NEGR1: variants seen among roughly 807,000 people sequenced by gnomAD.
NEGR1 encodes the protein IgLON family member 4.
Under a neutral mutation model 40.9 loss-of-function variants are expected in NEGR1, and 10 were observed. That is an observed-to-expected ratio of 0.24 (90% CI 0.15 to 0.42). NEGR1 has a LOEUF of 0.42. Among genes scored for constraint, NEGR1 ranks in the 10% least tolerant of loss-of-function variants. NEGR1 has a pLI of 1.00. For missense variants in NEGR1, 352 were observed against 438.9 expected (o/e 0.80, Z 1.77); for synonymous variants, 185 against 166.8 (o/e 1.11, Z -0.84).
chr1:71,466,727 T>C (rs1646748514), intron 6 of NEGR1, among the ~76,000 whole-genome samples: 1 of 151,988 alleles, frequency 6.6e-6, no homozygotes, highest in East Asian at 1.9e-4. Flanking sequence ...AGGAGGCTGG[T>C]GTACATGGAG....
chr1:71,799,203 C>G (rs755341940), intron 2 of NEGR1, among the ~76,000 whole-genome samples: 7 of 152,040 alleles, frequency 4.6e-5, no homozygotes, highest in Non-Finnish European at 8.8e-5. Context: ...TAGCACTCCA[C>G]CCCCTGACAG....
intron 1 of NEGR1, among the ~76,000 whole-genome samples, chr1:72,137,311 C>A (rs1650503632): frequency 6.6e-6 from 1 of 152,104 alleles, no homozygotes; most frequent in Non-Finnish European, 1.5e-5. Context: ...TTTATTGCAG[C>A]ACTGTTCACA....
intron 1 of NEGR1, among the ~76,000 whole-genome samples, chr1:71,973,469 C>T (rs6698069): frequency 0.13 from 19,183 of 152,082 alleles, 1,644 homozygotes; most frequent in East Asian, 0.43. Flanking sequence ...ACGCTTTTGT[C>T]AATTTGTTAT....
At chr1:71,685,814 A>G (rs1387724976) in intron 4 of NEGR1, among the ~76,000 whole-genome samples, 1 of 152,142 alleles carries the variant, frequency 6.6e-6, no homozygotes, top group Non-Finnish European at 1.5e-5. Flanking sequence ...TTGGTATTCA[A>G]TTTCTAAATT....
intron 1 of NEGR1, among the ~76,000 whole-genome samples, chr1:71,937,340 C>G (rs1422851078): frequency 6.6e-6 from 1 of 152,176 alleles, no homozygotes; most frequent in Admixed American, 6.5e-5. Flanking sequence ...TCCCATTTCA[C>G]AGATCACATT....
chr1:72,145,202 G>T (rs1650860645), intron 1 of NEGR1, among the ~76,000 whole-genome samples: 1 of 152,040 alleles, frequency 6.6e-6, no homozygotes, highest in South Asian at 2.1e-4. Context: ...TCTGGGATAA[G>T]ATAACACTAA....
chr1:71,642,995 G>T lies in NEGR1; in HGVS notation c.668-31849C>A, dbSNP rs570968551. On this transcript the variant is annotated intron_variant, in intron 4 of 6. Coordinates refer to ENST00000357731, the MANE Select transcript of NEGR1 (RefSeq NM_173808.3). ...GTGAATAAAGAAAGTTCATAATAAAGAAGGGGAATAAAAAGACCAGACAAA... is the reference window on the plus strand; with the variant it reads ...GTGAATAAAGAAAGTTCATAATAAATAAGGGGAATAAAAAGACCAGACAAA... 2.6e-3 allele frequency among the ~76,000 whole-genome samples: 390 copies of T among 152,050 alleles called. 2 individuals are homozygous for T. Among genetic ancestry groups the T allele is most frequent in the Non-Finnish European group, 4.0e-3 (270 of 67,944 alleles).
chr1:71,686,344 A>G (rs1333114562), intron 4 of NEGR1, among the ~76,000 whole-genome samples: 1 of 152,140 alleles, frequency 6.6e-6, no homozygotes, highest in Non-Finnish European at 1.5e-5. Context: ...ATAATAATTT[A>G]GTTCAGTGAA....
chr1:72,144,456 A>G (rs763467328), intron 1 of NEGR1, among the ~76,000 whole-genome samples: 2 of 93,500 alleles, frequency 2.1e-5, no homozygotes, highest in Non-Finnish European at 5.8e-5. Flanking sequence ...CAAACTACAT[A>G]TATGCACATA....
chr1:71,983,876 C>T (rs1025912732), intron 1 of NEGR1, among the ~76,000 whole-genome samples: 2 of 152,238 alleles, frequency 1.3e-5, no homozygotes, highest in Admixed American at 6.5e-5. Flanking sequence ...AACTACTCAA[C>T]ATATTTTTTA....
intron 6 of NEGR1, among the ~76,000 whole-genome samples, chr1:71,434,554 G>A (rs1646493522): frequency 6.6e-6 from 1 of 152,082 alleles, no homozygotes; most frequent in East Asian, 1.9e-4. Context: ...GATTTCTCGA[G>A]GTTCTTGTGT....
chr1:72,087,057 A>G (rs1207133438), intron 1 of NEGR1, among the ~76,000 whole-genome samples: 2 of 152,180 alleles, frequency 1.3e-5, no homozygotes, highest in African/African-American at 4.8e-5. Context: ...AGGAAGATTC[A>G]TCTTAAACAT....
chr1:72,056,369 C>A (rs973014230), intron 1 of NEGR1, among the ~76,000 whole-genome samples: 1 of 151,264 alleles, frequency 6.6e-6, no homozygotes, highest in Non-Finnish European at 1.5e-5. Context: ...AGGAGGGTTA[C>A]TTTGCTAATG....
intron 3 of NEGR1, among the ~76,000 whole-genome samples, chr1:71,723,178 T>C (rs1654566811): frequency 6.6e-6 from 1 of 152,160 alleles, no homozygotes; most frequent in East Asian, 1.9e-4. Context: ...TTTTAATCTT[T>C]ATTGGGCTTA....
intron 1 of NEGR1, among the ~76,000 whole-genome samples, chr1:72,275,529 C>T (rs573379569): frequency 6.6e-6 from 1 of 152,142 alleles, no homozygotes; most frequent in East Asian, 1.9e-4. Flanking sequence ...GTGCCAATGA[C>T]AATCTTTAAT....
At chr1:71,912,631 T>A (rs867095716) in intron 2 of NEGR1, among the ~76,000 whole-genome samples, 7 of 152,158 alleles carry the variant, frequency 4.6e-5, no homozygotes, top group Admixed American at 1.3e-4. Flanking sequence ...GTATTCAGAG[T>A]TTCAAAACTT....
At position 72,187,984 on chromosome 1, in the gene NEGR1, T is replaced by C. The variant is rs568530579; in HGVS notation, c.176+94335A>G. 2.0e-5 allele frequency among the ~76,000 whole-genome samples: 3 copies of C among 151,548 alleles called. No homozygotes were observed. In the South Asian group the frequency reaches 6.2e-4, roughly 31 times the overall value. On this transcript the variant is annotated intron_variant, in intron 1 of 6. Coordinates refer to ENST00000357731, the MANE Select transcript of NEGR1 (RefSeq NM_173808.3). ...TTCTCACCACTCTACTCCGGAGAAT[T>C]TAATCAATGCATAAGGAAGAGTTTA... is the stretch of plus-strand genomic sequence containing the variant.
chr1:71,931,130 G>A (rs1317893565), intron 2 of NEGR1, among the ~76,000 whole-genome samples: 1 of 152,122 alleles, frequency 6.6e-6, no homozygotes, highest in Non-Finnish European at 1.5e-5. Flanking sequence ...GGTGAGTTAT[G>A]TACCCTAAGG....
chr1:71,794,179 A>T (rs777108385), intron 2 of NEGR1: 1 of 152,176 alleles, frequency 6.6e-6, no homozygotes, highest in Non-Finnish European at 1.5e-5. Flanking sequence ...ATTCAACTGG[A>T]TTACAGAAAA....
Sources: allele counts gnomAD v4.1 joint callset (sites outside exome capture counted in the v4.1 genomes callset), GRCh38; gene constraint gnomAD v4.1.1; transcripts MANE v1.5; gene names NCBI Gene and HGNC (gene_info 2026-07-23, HGNC 2026-07-21).